GRIA1: variants seen among roughly 807,000 people sequenced by gnomAD.
GRIA1 encodes glutamate receptor 1.
Under a neutral mutation model 99.2 loss-of-function variants are expected in GRIA1, and 31 were observed. That is an observed-to-expected ratio of 0.31 (90% CI 0.23 to 0.42). The LOEUF is 0.42. GRIA1 is among the 10% of genes least tolerant of loss of function. The probability of loss-of-function intolerance (pLI) is 1.00; values close to 1 mark genes in which losing one functional copy is unlikely to be tolerated. For synonymous variants in GRIA1, 438 were observed against 432.4 expected, an observed-to-expected ratio of 1.01 and a Z score of -0.16; for missense variants, 782 against 1,157.5, an observed-to-expected ratio of 0.68 and a Z score of 4.71.
chr5:153,551,367 T>G (rs1760127875), intron 2 of GRIA1, among the ~76,000 whole-genome samples: 1 of 152,188 alleles, frequency 6.6e-6, no homozygotes, highest in African/African-American at 2.4e-5. Context: ...TTTGTTTGTT[T>G]CTTAATGAGC....
At chr5:153,551,574 T>G (rs2113544292) in intron 2 of GRIA1, among the ~76,000 whole-genome samples, 1 of 152,284 alleles carries the variant, frequency 6.6e-6, no homozygotes, top group African/African-American at 2.4e-5. Context: ...CAGATGTCTC[T>G]TGCAATATCT....
chr5:153,557,009 A>G (rs1760708419), intron 2 of GRIA1, among the ~76,000 whole-genome samples: 1 of 152,234 alleles, frequency 6.6e-6, no homozygotes, highest in South Asian at 2.1e-4. Context: ...GTGTAACACA[A>G]TGGTAAGTAT....
At chr5:153,627,421 C>G (rs547240816) in intron 2 of GRIA1, among the ~76,000 whole-genome samples, 1 of 152,154 alleles carries the variant, frequency 6.6e-6, no homozygotes, top group African/African-American at 2.4e-5. Context: ...GTGTCTAGCC[C>G]AGAGTAGACA....
intron 2 of GRIA1, among the ~76,000 whole-genome samples, chr5:153,610,720 G>A (rs1306344683): frequency 6.6e-6 from 1 of 152,148 alleles, no homozygotes; most frequent in East Asian, 1.9e-4. Context: ...TTATAAAATG[G>A]AAGTAAAAGT....
At chr5:153,793,923 G>A (rs778276822) in intron 13 of GRIA1, among the ~76,000 whole-genome samples, 8 of 152,224 alleles carry the variant, frequency 5.3e-5, no homozygotes, top group Admixed American at 1.3e-4. Flanking sequence ...TGTAAATGAA[G>A]TAAGATTGTT....
intron 2 of GRIA1, among the ~76,000 whole-genome samples, chr5:153,613,565 C>A (rs1466194521): frequency 6.6e-6 from 1 of 152,032 alleles, no homozygotes; most frequent in Non-Finnish European, 1.5e-5. Flanking sequence ...TTCTTACTTC[C>A]CTCTCTCCCT....
intron 11 of GRIA1, among the ~76,000 whole-genome samples, chr5:153,711,005 A>G (rs959573790): frequency 3.3e-5 from 5 of 152,208 alleles, no homozygotes; most frequent in African/African-American, 9.6e-5. Context: ...CCATATGCAA[A>G]GGTTCTCAGG....
intron 2 of GRIA1, among the ~76,000 whole-genome samples, chr5:153,638,863 T>C (rs1345135664): frequency 2.0e-5 from 3 of 152,112 alleles, no homozygotes; most frequent in Non-Finnish European, 2.9e-5. Flanking sequence ...GGTGTAAGGG[T>C]CTTTATGAAG....
rs115859360 is a variant in GRIA1 at position 153,526,421 on chromosome 5, C to T, written c.220+32356C>T. ...CTTATACTCTTTTTTTGTTCAAATA[C>T]CTTTTCTATTATGCAATGTTATGGT... is the stretch of plus-strand genomic sequence containing the variant. On this transcript the variant is annotated intron_variant, in intron 2 of 15. Transcript: ENST00000285900. Among the ~76,000 whole-genome samples, 1,459 of 152,170 alleles carry T rather than the reference C, an allele frequency of 9.6e-3. 28 individuals are homozygous for T. The highest frequency in any genetic ancestry group is 0.033 in the African/African-American group (1,376 of 41,508).
At chr5:153,600,336 G>A (rs990061358) in intron 2 of GRIA1, among the ~76,000 whole-genome samples, 1 of 143,194 alleles carries the variant, frequency 7.0e-6, no homozygotes, top group Non-Finnish European at 1.5e-5. Context: ...AGTTTGCAGT[G>A]AGCCGAGATC....
At chr5:153,600,153 A>T in intron 2 of GRIA1, among the ~76,000 whole-genome samples, 1 of 152,076 alleles carries the variant, frequency 6.6e-6, no homozygotes, top group East Asian at 1.9e-4. Context: ...GCACTTTCGG[A>T]GGCCGAGGCG....
At chr5:153,558,061 T>A (rs1760808298) in intron 2 of GRIA1, 1 of 152,180 alleles carries the variant, frequency 6.6e-6, no homozygotes, top group Admixed American at 6.5e-5. Flanking sequence ...CACAGCACAG[T>A]AGGTTTGTTT....
At chr5:153,597,272 A>G (rs1319736802) in intron 2 of GRIA1, among the ~76,000 whole-genome samples, 1 of 152,190 alleles carries the variant, frequency 6.6e-6, no homozygotes, top group African/African-American at 2.4e-5. Flanking sequence ...CTACCTGAAT[A>G]TGAATTGGTT....
chr5:153,609,786 C>T (rs781204036), intron 2 of GRIA1, among the ~76,000 whole-genome samples: 10 of 151,982 alleles, frequency 6.6e-5, no homozygotes, highest in Non-Finnish European at 1.2e-4. Context: ...TGGTCTCGAT[C>T]TCCTGACCTT....
intron 2 of GRIA1, among the ~76,000 whole-genome samples, chr5:153,629,464 A>G (rs1752776394): frequency 6.6e-6 from 1 of 152,222 alleles, no homozygotes; most frequent in Non-Finnish European, 1.5e-5. Context: ...GTTAACAAAA[A>G]CTGGGAGACT....
At chr5:153,778,651 C>CCA (rs57534899) in intron 13 of GRIA1, among the ~76,000 whole-genome samples, 12,725 of 147,204 alleles carry the variant, frequency 0.086, 513 homozygotes, top group South Asian at 0.13. Flanking sequence ...TCACCCCCCA[C>CCA]CACACACACA....
rs533561633 is a variant in GRIA1, at chr5:153,720,385, G to A, written c.1823+14318G>A. Reference sequence around the variant, plus strand: ...AGAGACAGGAGGAGCATTAGTTCTTGGTGCATTCTTATTTTGCCACAGGAA... The same window carrying A: ...AGAGACAGGAGGAGCATTAGTTCTTAGTGCATTCTTATTTTGCCACAGGAA... On this transcript the variant is annotated intron_variant, in intron 11 of 15. Transcript: ENST00000285900. Among the ~76,000 whole-genome samples, 56 of 152,228 alleles carry A rather than the reference G, an allele frequency of 3.7e-4. 1 individual carries two copies. The South Asian group carries it at 0.011, about 30-fold the overall frequency.
chr5:153,766,255 G>A (rs1763511012), intron 12 of GRIA1, among the ~76,000 whole-genome samples: 1 of 152,128 alleles, frequency 6.6e-6, no homozygotes, highest in African/African-American at 2.4e-5. Context: ...AGCTCACCCA[G>A]CCAGTTAATA....
intron 11 of GRIA1, among the ~76,000 whole-genome samples, chr5:153,739,739 T>C (rs1761647130): frequency 1.3e-5 from 2 of 152,232 alleles, no homozygotes; most frequent in African/African-American, 4.8e-5. Flanking sequence ...CAGGCTTTCC[T>C]TTCTCACTTA....
Sources: gnomAD v4.1 joint callset for allele counts (sites outside exome capture counted in the v4.1 genomes callset) on GRCh38, gnomAD v4.1.1 for gene constraint, MANE v1.5 for transcripts, NCBI Gene and HGNC (gene_info 2026-07-23, HGNC 2026-07-21) for gene names.